Variants in CACNB4 observed in about 807,000 individuals in gnomAD.
The protein encoded by CACNB4 is voltage-dependent L-type calcium channel subunit beta-4.
CACNB4 carries 32 observed loss-of-function variants against 71.2 expected under a neutral mutation model. That is an observed-to-expected ratio of 0.45 (90% CI 0.34 to 0.60). The LOEUF (loss-of-function observed/expected upper bound fraction) is 0.60, where lower values mean the gene tolerates loss of function less well. Among genes scored for constraint, CACNB4 ranks in the 20% least tolerant of loss-of-function variants. CACNB4 has a pLI of 0.01. For synonymous variants in CACNB4, 231 were observed against 236.9 expected (o/e 0.97, Z 0.23); for missense variants, 464 against 647.9 (o/e 0.72, Z 3.08).
rs141139642 is a variant in CACNB4 at position 152,009,440 on chromosome 2, A to T, written c.147+88890T>A. Among the ~76,000 whole-genome samples, 14 of 152,346 alleles carry T rather than the reference A, an allele frequency of 9.2e-5. No homozygotes were observed. In the South Asian group the frequency reaches 2.7e-3, roughly 29 times the overall value. ...GAACAAAGAATGGACTTATTTCATA[A>T]GAACATATCAATATCAGTTTACCGA... is the stretch of plus-strand genomic sequence containing the variant. On this transcript the variant is annotated intron_variant, in intron 2 of 13. Coordinates refer to ENST00000539935, the MANE Select transcript of CACNB4 (RefSeq NM_000726.5).
At chr2:152,023,437 CTT>C (rs11341003) in intron 2 of CACNB4, among the ~76,000 whole-genome samples, 20 of 149,770 alleles carry the variant, frequency 1.3e-4, no homozygotes, top group South Asian at 4.2e-4. Flanking sequence ...GTGAGAGGTG[CTT>C]TTTTTTTTTG....
Position 152,089,858 on chromosome 2 carries a change from G to A in CACNB4, c.147+8472C>T, listed in dbSNP as rs999880104. Among the ~76,000 whole-genome samples, 11 of 152,074 alleles carry A rather than the reference G, an allele frequency of 7.2e-5. No individual in the cohort carries two copies. In the South Asian group the frequency reaches 8.3e-4, roughly 11 times the overall value. ...TTGTAGGCTGAGGTGGGAGGATCCCGTGAGCACAGGAGGTTGAGGCTGCAG... is the reference window on the plus strand; with the variant it reads ...TTGTAGGCTGAGGTGGGAGGATCCCATGAGCACAGGAGGTTGAGGCTGCAG... On this transcript the variant is annotated intron_variant, in intron 2 of 13. Coordinates refer to ENST00000539935, the MANE Select transcript of CACNB4 (RefSeq NM_000726.5).
intron 2 of CACNB4, among the ~76,000 whole-genome samples, chr2:151,890,131 T>C (rs139005685): frequency 6.6e-6 from 1 of 152,354 alleles, no homozygotes; most frequent in African/African-American, 2.4e-5. Flanking sequence ...CTTGAAATTA[T>C]ATCGCCGAGA....
At chr2:152,053,522 A>ATTTT (rs200394309) in intron 2 of CACNB4, among the ~76,000 whole-genome samples, 1 of 137,934 alleles carries the variant, frequency 7.2e-6, no homozygotes, top group Non-Finnish European at 1.5e-5. Flanking sequence ...TGCTCTAGGA[A>ATTTT]TTTTTTTTTT....
At chr2:152,013,584 G>A (rs1683180422) in intron 2 of CACNB4, among the ~76,000 whole-genome samples, 1 of 152,070 alleles carries the variant, frequency 6.6e-6, no homozygotes, top group Non-Finnish European at 1.5e-5. Flanking sequence ...CTGCAGAGGG[G>A]ATACGCAGGG....
intron 2 of CACNB4, among the ~76,000 whole-genome samples, chr2:151,905,560 A>G (rs950881430): frequency 3.3e-5 from 5 of 152,224 alleles, no homozygotes; most frequent in African/African-American, 1.2e-4. Context: ...AATAGCCACA[A>G]ATGTATTTTG....
intron 2 of CACNB4, among the ~76,000 whole-genome samples, chr2:152,008,554 C>T (rs986371356): frequency 2.0e-5 from 3 of 152,132 alleles, no homozygotes; most frequent in Non-Finnish European, 4.4e-5. Flanking sequence ...CCCACCTTGG[C>T]CTCCCAAAGT....
At chr2:151,904,943 T>G (rs1206582685) in intron 2 of CACNB4, among the ~76,000 whole-genome samples, 13 of 152,220 alleles carry the variant, frequency 8.5e-5, no homozygotes, top group Admixed American at 8.5e-4. Flanking sequence ...AACTATGCAC[T>G]ATTGGGCAGT....
intron 10 of CACNB4, chr2:151,859,570 T>C (rs1047202829): frequency 6.6e-6 from 1 of 152,238 alleles, no homozygotes; most frequent in African/African-American, 2.4e-5. Flanking sequence ...ACTGCCATTG[T>C]ACCTCTTCAA....
chr2:151,977,164 C>G (rs1170040176), intron 2 of CACNB4, among the ~76,000 whole-genome samples: 1 of 152,192 alleles, frequency 6.6e-6, no homozygotes, highest in African/African-American at 2.4e-5. Context: ...ACTGCATAGC[C>G]TCAAGGAGGC....
At chr2:151,943,149 G>C (rs949701932) in intron 2 of CACNB4, among the ~76,000 whole-genome samples, 6 of 152,086 alleles carry the variant, frequency 3.9e-5, no homozygotes, top group African/African-American at 7.2e-5. Context: ...GGGCATCACG[G>C]TCCTACTGAT....
chr2:151,921,131 C>A (rs1284917820), intron 2 of CACNB4, among the ~76,000 whole-genome samples: 1 of 145,056 alleles, frequency 6.9e-6, no homozygotes, highest in African/African-American at 2.6e-5. Context: ...AGCAAGACTC[C>A]GTCTCAAAAA....
intron 2 of CACNB4, among the ~76,000 whole-genome samples, chr2:152,032,955 TAAAA>T: frequency 6.6e-6 from 1 of 151,990 alleles, no homozygotes; most frequent in South Asian, 2.1e-4. Context: ...CCCTGTCTCT[TAAAA>T]AAAAAATAAA....
At chr2:151,849,241 C>A (rs1428721250) in intron 12 of CACNB4, among the ~76,000 whole-genome samples, 1 of 152,140 alleles carries the variant, frequency 6.6e-6, no homozygotes, top group Non-Finnish European at 1.5e-5. Context: ...ATCCCCTCTC[C>A]TTGAATTTAG....
intron 2 of CACNB4, among the ~76,000 whole-genome samples, chr2:151,935,151 T>C (rs1436965403): frequency 1.3e-5 from 2 of 152,182 alleles, no homozygotes; most frequent in African/African-American, 4.8e-5. Flanking sequence ...TACTTCAAAA[T>C]AATGACTCAC....
rs368255915 is a variant in CACNB4 at position 151,973,596 on chromosome 2, C to CG, written c.148-90227dup. ...CCTGCGTTGCCTAAGAAATAAGAAGCGGGGGGGTGGAGGGGATAGTGGGAG... is the reference window on the plus strand; with the variant it reads ...CCTGCGTTGCCTAAGAAATAAGAAGCGGGGGGGGTGGAGGGGATAGTGGGAG... On this transcript the variant is annotated intron_variant, in intron 2 of 13. Coordinates refer to ENST00000539935, the MANE Select transcript of CACNB4 (RefSeq NM_000726.5). The CG allele has an allele frequency of 1.0e-3, 1,399 of 1,356,058 alleles. 4 individuals are homozygous for CG. Among genetic ancestry groups the CG allele is most frequent in the Middle Eastern group, 1.6e-3 (8 of 5,010 alleles). 84.0% of individuals were successfully genotyped at this position (1,356,058 alleles called of 1,614,324 possible).
At chr2:151,983,876 C>T (rs151172429) in intron 2 of CACNB4, among the ~76,000 whole-genome samples, 1 of 152,112 alleles carries the variant, frequency 6.6e-6, no homozygotes, top group Non-Finnish European at 1.5e-5. Context: ...CTGAACTTTG[C>T]GTGGGAGAGC....
chr2:152,018,475 A>C (rs927968708), intron 2 of CACNB4, among the ~76,000 whole-genome samples: 1 of 152,162 alleles, frequency 6.6e-6, no homozygotes, highest in Non-Finnish European at 1.5e-5. Context: ...GGGGTAGTCA[A>C]ATATTTATTA....
At chr2:151,865,833 T>C (rs1405585464) in intron 9 of CACNB4, 2 of 150,838 alleles carry the variant, frequency 1.3e-5, no homozygotes, top group Admixed American at 1.3e-4. Context: ...TTGCCCAGGC[T>C]GGAGTGCAAT....
Sources: allele counts gnomAD v4.1 joint callset (sites outside exome capture counted in the v4.1 genomes callset), GRCh38; gene constraint gnomAD v4.1.1; transcripts MANE v1.5; gene names NCBI Gene and HGNC (gene_info 2026-07-23, HGNC 2026-07-21).